Variants in NELL2 observed in about 807,000 individuals in gnomAD.
The protein encoded by NELL2 is neural EGFL like 2, also known as protein kinase C-binding protein NELL2.
NELL2 carries 41 observed loss-of-function variants against 109.6 expected under a neutral mutation model. The observed-to-expected ratio is 0.37, with a 90% confidence interval of 0.29 to 0.49. The LOEUF (loss-of-function observed/expected upper bound fraction) is 0.49. Ranked by LOEUF, NELL2 falls within the 20% of genes least tolerant of loss-of-function variation. The probability of loss-of-function intolerance (pLI) is 0.98; values close to 1 mark genes in which losing one functional copy is unlikely to be tolerated. For synonymous variants in NELL2, 355 were observed against 344.7 expected (o/e 1.03, Z -0.33); for missense variants, 900 against 1,008.3 (o/e 0.89, Z 1.45).
chr12:44,840,122 T>C (rs1048573682), intron 2 of NELL2, among the ~76,000 whole-genome samples: 5 of 152,166 alleles, frequency 3.3e-5, no homozygotes, highest in African/African-American at 1.2e-4. Context: ...TGTCCTCCCT[T>C]ATCTCATTGG....
At chr12:44,876,724 A>T, upstream of NELL2, 3 of 1,545,108 alleles carry the variant, frequency 1.9e-6, no homozygotes, top group Non-Finnish European at 2.6e-6. Flanking sequence ...AGGGAAGCCC[A>T]TGTGCACTCG....
At chr12:44,511,418 T>C (rs1055255328) in intron 19 of NELL2, among the ~76,000 whole-genome samples, 2 of 152,198 alleles carry the variant, frequency 1.3e-5, no homozygotes, top group African/African-American at 4.8e-5. Context: ...AAATGTACTG[T>C]GTGAGTGTTG....
At chr12:44,695,301 A>AT (rs1949029766) in intron 12 of NELL2, among the ~76,000 whole-genome samples, 1 of 152,116 alleles carries the variant, frequency 6.6e-6, no homozygotes, top group Admixed American at 6.5e-5. Context: ...AAAAAAAAAA[A>AT]AAAAAGAAGA....
intron 9 of NELL2, among the ~76,000 whole-genome samples, chr12:44,767,067 C>T (rs1941362634): frequency 6.6e-6 from 1 of 152,104 alleles, no homozygotes; most frequent in African/African-American, 2.4e-5. Flanking sequence ...AGCCAGAGGA[C>T]AGTATCCGTG....
At chr12:44,863,467 AG>A (rs1370825488) in intron 2 of NELL2, among the ~76,000 whole-genome samples, 1 of 152,234 alleles carries the variant, frequency 6.6e-6, no homozygotes, top group Non-Finnish European at 1.5e-5. Flanking sequence ...TTTTCTCAAC[AG>A]AAGTCTTACA....
intron 12 of NELL2, among the ~76,000 whole-genome samples, chr12:44,700,134 C>G (rs911934097): frequency 7.2e-5 from 11 of 152,122 alleles, no homozygotes; most frequent in African/African-American, 2.2e-4. Context: ...GTCCAGAAAC[C>G]TGGGAATCAA....
chr12:44,901,986 T>C (rs1297853870), intron 1 of NELL2, among the ~76,000 whole-genome samples: 1 of 152,142 alleles, frequency 6.6e-6, no homozygotes, highest in African/African-American at 2.4e-5. Context: ...CTTTGAAAAC[T>C]GGCACAAGAC....
intron 14 of NELL2, among the ~76,000 whole-genome samples, chr12:44,610,092 G>A (rs539284181): frequency 7.9e-5 from 12 of 151,896 alleles, no homozygotes; most frequent in African/African-American, 2.7e-4. Context: ...TCTACTGATG[G>A]AAAAAGAAAT....
At chr12:44,655,436 T>C (rs958111814) in intron 13 of NELL2, among the ~76,000 whole-genome samples, 1 of 152,184 alleles carries the variant, frequency 6.6e-6, no homozygotes, top group African/African-American at 2.4e-5. Flanking sequence ...TTTCCAAGCT[T>C]TTCATCTTTA....
intron 1 of NELL2, among the ~76,000 whole-genome samples, chr12:44,886,315 A>G (rs1180835811): frequency 6.6e-6 from 1 of 151,940 alleles, no homozygotes; most frequent in East Asian, 1.9e-4. Context: ...ACATATATCA[A>G]AAGAAAAAAT....
At chr12:44,750,217 T>A (rs530607155) in intron 9 of NELL2, among the ~76,000 whole-genome samples, 1 of 152,214 alleles carries the variant, frequency 6.6e-6, no homozygotes, top group African/African-American at 2.4e-5. Flanking sequence ...CTGTTAAAGA[T>A]CAAATGAAAA....
At position 44,613,026 on chromosome 12, in the gene NELL2, C is replaced by T. The variant is rs193158334; in HGVS notation, c.1445-2056G>A. 6.2e-3 allele frequency among the ~76,000 whole-genome samples: 940 copies of T among 152,082 alleles called. 12 individuals carry two copies. Among genetic ancestry groups the T allele is most frequent in the Non-Finnish European group, 6.9e-3 (466 of 67,972 alleles). On this transcript the variant is annotated intron_variant, in intron 13 of 19. Transcript: ENST00000429094. ...TCAAAGGCAAATACAGTTCTGAAGG[C>T]TTTAAATGCATCCATGCCTTTACAT...
At chr12:44,913,860 G>C in exon 1 of NELL2, 2 of 726,210 alleles carry the variant, frequency 2.8e-6, no homozygotes, top group Non-Finnish European at 4.3e-6. Context: ...TGTCTAAAAG[G>C]TTCTTTTTTC....
At chr12:44,841,418 A>C (rs1944222662) in intron 2 of NELL2, among the ~76,000 whole-genome samples, 1 of 152,218 alleles carries the variant, frequency 6.6e-6, no homozygotes, top group South Asian at 2.1e-4. Context: ...ATAATGAATT[A>C]ATGGCTATCA....
At chr12:44,703,908 T>G in intron 11 of NELL2, 54 bp from the exon 12 acceptor site, 1 of 1,476,644 alleles carries the variant, frequency 6.8e-7, no homozygotes, top group Non-Finnish European at 9.2e-7. Flanking sequence ...ACAATGCAAA[T>G]TTTTCCTACT....
chr12:44,582,114 T>C (rs1944345005), intron 15 of NELL2, among the ~76,000 whole-genome samples: 1 of 152,162 alleles, frequency 6.6e-6, no homozygotes, highest in South Asian at 2.1e-4. Context: ...GGAGGGTGGG[T>C]AAAGACTGGG....
intron 15 of NELL2, among the ~76,000 whole-genome samples, chr12:44,600,995 G>A (rs746169070): frequency 5.9e-5 from 9 of 151,942 alleles, no homozygotes; most frequent in East Asian, 5.8e-4. Flanking sequence ...GGGATCCTGC[G>A]AATTCAAAGG....
At chr12:44,693,512 G>A (rs542689270) in intron 12 of NELL2, among the ~76,000 whole-genome samples, 2 of 152,192 alleles carry the variant, frequency 1.3e-5, no homozygotes, top group East Asian at 1.9e-4. Context: ...GAGAAACCAC[G>A]CCTAAGAAGA....
chr12:44,821,877 C>T (rs905463085), intron 2 of NELL2, among the ~76,000 whole-genome samples: 2 of 148,894 alleles, frequency 1.3e-5, no homozygotes, highest in Non-Finnish European at 3.0e-5. Flanking sequence ...ACCACCACGC[C>T]CGGCTGGTTT....
Sources: gnomAD v4.1 joint callset for allele counts (sites outside exome capture counted in the v4.1 genomes callset) on GRCh38, gnomAD v4.1.1 for gene constraint, MANE v1.5 for transcripts, NCBI Gene and HGNC (gene_info 2026-07-23, HGNC 2026-07-21) for gene names.